TEX52: variants seen among roughly 807,000 people sequenced by gnomAD.
TEX52 encodes the protein testis-expressed protein 52.
A neutral mutation model predicts 17.6 loss-of-function variants in TEX52; 22 were observed. That is an observed-to-expected ratio of 1.25 (90% CI 0.89 to 1.78). The LOEUF (loss-of-function observed/expected upper bound fraction) is 1.78, where lower values mean the gene tolerates loss of function less well. TEX52 is among the 40% of genes most tolerant of loss of function. The pLI is 0.00. For synonymous variants in TEX52, 168 were observed against 147.4 expected (o/e 1.14, Z -1.01); for missense variants, 396 against 372.3 (o/e 1.06, Z -0.52).
At chr12:2,854,867 G>A (rs1156621677) in intron 2 of TEX52, 29 bp downstream of exon 2, 1 of 1,512,748 alleles carries the variant, frequency 6.6e-7, no homozygotes, top group East Asian at 2.5e-5. Context: ...GGCAGGCTGG[G>A]TGGGCTCCCT....
chr12:2,856,814 T>C lies in TEX52; in HGVS notation c.72+141A>G, dbSNP rs1023199857. The stretch of plus-strand genomic sequence containing the variant: ...TCTGAGCTCTGGGTTCCTAGTGTCA[T>C]AGGATGAAAAGGGGAAGACAGCAGA... On this transcript the variant is annotated intron_variant, in intron 1 of 2. Coordinates refer to ENST00000637658, the MANE Select transcript of TEX52 (RefSeq NM_001365174.2). 12 of 634,600 alleles carry C rather than the reference T, an allele frequency of 1.9e-5. No homozygotes were observed. The Admixed American group carries it at 2.7e-4, about 14-fold the overall frequency. The allele number at this position is 634,600 out of a possible 1,614,324, so 39.3% of individuals were successfully genotyped here.
At chr12:2,851,698 A>G (rs976691292) in intron 2 of TEX52, among the ~76,000 whole-genome samples, 16 of 151,156 alleles carry the variant, frequency 1.1e-4, no homozygotes, top group Admixed American at 9.2e-4. Context: ...TTTTTTCCCA[A>G]GATGTAGTCT....
rs553276159 is a variant in TEX52, at chr12:2,849,407, G to A, written c.742C>T (p.Gln248Ter). ...AAGGCCAGCTTTAGCACCTTCTCCTGGTAGTGAGGCAGAGGGTTTGGGCAG... is the reference window on the plus strand; with the variant it reads ...AAGGCCAGCTTTAGCACCTTCTCCTAGTAGTGAGGCAGAGGGTTTGGGCAG... Reference protein sequence around the residue: ...WPCPNPLPHYQEKVLKLALLP... With the variant: ...WPCPNPLPHY Residue 248 changes from glutamine to a stop codon, truncating the protein, a stop_gained, in exon 3 of 3, where the codon CAG (glutamine) becomes TAG (stop). Coordinates refer to ENST00000637658, the MANE Select transcript of TEX52 (RefSeq NM_001365174.2). LOFTEE classifies it low-confidence loss of function (END_TRUNC). The A allele has an allele frequency of 1.1e-3, 1,757 of 1,536,186 alleles. 1 individual carries two copies. The highest frequency in any genetic ancestry group is 1.5e-3 in the Non-Finnish European group (1,697 of 1,146,924).
intron 2 of TEX52, among the ~76,000 whole-genome samples, chr12:2,851,099 A>G (rs2098069453): frequency 6.8e-6 from 1 of 147,086 alleles, no homozygotes; most frequent in Non-Finnish European, 1.5e-5. Flanking sequence ...CCCAGGAGGC[A>G]GTGAGCAGTG....
chr12:2,847,832 T>A (rs2098057745), downstream of TEX52, among the ~76,000 whole-genome samples: 2 of 152,218 alleles, frequency 1.3e-5, no homozygotes, highest in South Asian at 4.1e-4. Context: ...GTCTGGCTTC[T>A]TTCACTCAGC....
chr12:2,853,862 C>T (rs1307019078), intron 2 of TEX52, among the ~76,000 whole-genome samples: 1 of 152,134 alleles, frequency 6.6e-6, no homozygotes, highest in Non-Finnish European at 1.5e-5. Flanking sequence ...GACTTCTCAG[C>T]CCTGCCTGGA....
Position 2,855,052 on chromosome 12 carries a change from C to G in TEX52, c.467G>C (p.Cys156Ser). 1 of 1,535,982 alleles carries G rather than the reference C, an allele frequency of 6.5e-7. No individual in the cohort carries two copies. ...TTTCATGTCCACAAACGTGGGATAACAGTGGATGAAGGTCAGGAAGCTGTT... is the reference window on the plus strand; with the variant it reads ...TTTCATGTCCACAAACGTGGGATAAGAGTGGATGAAGGTCAGGAAGCTGTT... The part of the protein sequence containing the change: ...GQNSFLTFIH[C>S]YPTFVDMKRK... Residue 156 changes from cysteine (C) to serine (S), a missense_variant, in exon 2 of 3, where the codon TGT becomes TCT. Transcript: ENST00000637658.
chr12:2,856,643 G>A (rs1049656948), intron 1 of TEX52, among the ~76,000 whole-genome samples: 3 of 152,212 alleles, frequency 2.0e-5, no homozygotes, highest in Admixed American at 1.3e-4. Context: ...GATTGCAGGC[G>A]TGAGCCACTG....
In TEX52 at chr12:2,855,401, G is replaced by GGT; in HGVS notation, c.117_118insAC (p.Gln40ThrfsTer27). On this transcript the variant is annotated frameshift_variant, in exon 2 of 3. Transcript: ENST00000637658. LOFTEE classifies it high-confidence loss of function. ...TCGCTGGGGAGGAAGAACTCACGCT[G>GGT]AGCCCACGTTTGGGAGGGTGGGAGG... is the stretch of plus-strand genomic sequence containing the variant. 1.1e-6 allele frequency: 1 copy of GGT among 903,158 alleles called. No homozygotes were observed. Among genetic ancestry groups the GGT allele is most frequent in the East Asian group, 6.1e-5 (1 of 16,514 alleles). The allele number at this position is 903,158 out of a possible 1,614,324, so 55.9% of individuals were successfully genotyped here.
In TEX52 at chr12:2,855,276, G is replaced by A. The variant is rs1309736886; in HGVS notation, c.243C>T (p.Leu81=). 4 of 1,517,306 alleles carry A rather than the reference G, an allele frequency of 2.6e-6. No individual in the cohort carries two copies. Among genetic ancestry groups the A allele is most frequent in the Middle Eastern group, 1.7e-4 (1 of 5,918 alleles). 94.0% of individuals were successfully genotyped at this position (1,517,306 alleles called of 1,614,324 possible). A position where few individuals can be genotyped will look rare whatever the true frequency, so the allele number is the denominator to read the frequency against. Residue 81 remains leucine, a synonymous_variant, in exon 2 of 3, where the codon CTC becomes CTT. Coordinates refer to ENST00000637658, the MANE Select transcript of TEX52 (RefSeq NM_001365174.2). ...GGGCGCCACCCTTCCAAGGGTGGAT[G>A]AGCCGCTGACGCACCTTGGACTTCA... ...TDMKSKVRQR[L]IHPWKGGAQH...
At chr12:2,850,241 C>T (rs936941285) in intron 2 of TEX52, among the ~76,000 whole-genome samples, 5 of 152,106 alleles carry the variant, frequency 3.3e-5, no homozygotes, top group Admixed American at 2.6e-4. Flanking sequence ...TTTGGGAGGC[C>T]GAGGCGGGTG....
chr12:2,852,550 T>C (rs2098074432), intron 2 of TEX52, among the ~76,000 whole-genome samples: 1 of 152,106 alleles, frequency 6.6e-6, no homozygotes, highest in African/African-American at 2.4e-5. Flanking sequence ...GATATTTTTG[T>C]GGAGACGGGG....
downstream of TEX52, among the ~76,000 whole-genome samples, chr12:2,847,879 A>G (rs998409779): frequency 6.6e-6 from 1 of 152,206 alleles, no homozygotes; most frequent in Non-Finnish European, 1.5e-5. Context: ...TGTAGCATCT[A>G]TCAATACTCA....
rs965306727 is a variant in TEX52 at position 2,855,097 on chromosome 12, G to C, written c.422C>G (p.Pro141Arg). Reference protein sequence around the residue: ...RCPPTEHPIPPPSWMGQNSFL... With the variant: ...RCPPTEHPIPRPSWMGQNSFL... ...GCTGTTTTGCCCCATCCAGGAGGGA[G>C]GGGGGATGGGGTGCTCCGTGGGGGG... is the stretch of plus-strand genomic sequence containing the variant. Residue 141 changes from proline (P) to arginine (R), a missense_variant, in exon 2 of 3, where the codon CCT becomes CGT. Pro to Arg is a moderately radical substitution (Grantham distance 103). Transcript: ENST00000637658. The C allele has an allele frequency of 6.5e-7, 1 of 1,535,392 alleles. No homozygotes were observed. The highest frequency in any genetic ancestry group is 2.0e-5 in the Admixed American group (1 of 50,980).
intron 2 of TEX52, among the ~76,000 whole-genome samples, chr12:2,849,884 GC>G (rs1428402033): frequency 1.3e-5 from 2 of 152,218 alleles, no homozygotes; most frequent in Non-Finnish European, 2.9e-5. Flanking sequence ...ACAGAACTCA[GC>G]TCAACTGGAT....
At chr12:2,848,528 C>G, downstream of TEX52, among the ~76,000 whole-genome samples, 2 of 152,214 alleles carry the variant, frequency 1.3e-5, no homozygotes, top group South Asian at 4.1e-4. Context: ...GTGGAGAGGC[C>G]GCTCTTTTAC....
intron 2 of TEX52, 131 bp from the exon 3 acceptor site, chr12:2,849,656 TTC>T: frequency 9.9e-7 from 1 of 1,009,750 alleles, no homozygotes; most frequent in East Asian, 2.6e-5. Context: ...AGGGAATCCC[TTC>T]TGTCTCTCCA....
intron 2 of TEX52, 79 bp from the exon 3 acceptor site, chr12:2,849,604 G>T: frequency 6.8e-7 from 1 of 1,465,634 alleles, no homozygotes; most frequent in Non-Finnish European, 9.2e-7. Flanking sequence ...GGAAGGGGAA[G>T]GGTGATGCCG....
rs543225535 is a variant in TEX52 at position 2,849,434 on chromosome 12, G to T, written c.715C>A (p.Pro239Thr). Residue 239 changes from proline to threonine, a missense_variant, in exon 3 of 3, where the codon CCC (proline) becomes ACC (threonine). By Grantham distance (38) the Pro-to-Thr change is conservative. Coordinates refer to ENST00000637658, the MANE Select transcript of TEX52 (RefSeq NM_001365174.2). ...PFPNNFARSW[P>T]CPNPLPHYQE... ...TAGTGAGGCAGAGGGTTTGGGCAGGGCCAGCTCCTGGCGAAATTATTGGGA... is the reference window on the plus strand; with the variant it reads ...TAGTGAGGCAGAGGGTTTGGGCAGGTCCAGCTCCTGGCGAAATTATTGGGA... 1 of 1,536,174 alleles carries T rather than the reference G, an allele frequency of 6.5e-7. No individual in the cohort carries two copies. Among genetic ancestry groups the T allele is most frequent in the South Asian group, 1.2e-5 (1 of 84,060 alleles).
Sources: gnomAD v4.1 joint callset for allele counts (sites outside exome capture counted in the v4.1 genomes callset) on GRCh38, gnomAD v4.1.1 for gene constraint, MANE v1.5 for transcripts, NCBI Gene and HGNC (gene_info 2026-07-23, HGNC 2026-07-21) for gene names.